The following RIF1 variants were observed in gnomAD, a reference collection of about 807,000 sequenced individuals.
The protein encoded by RIF1 is replication timing regulatory factor 1.
RIF1 carries 45 observed loss-of-function variants against 247.1 expected under a neutral mutation model. The ratio of observed to expected loss-of-function variants is 0.18; its 90% CI spans 0.14 to 0.23. The LOEUF (loss-of-function observed/expected upper bound fraction) is 0.23, where lower values mean the gene tolerates loss of function less well. Ranked by LOEUF, RIF1 falls within the 10% of genes least tolerant of loss-of-function variation. The pLI is 1.00. For missense variants in RIF1, 2,967 were observed against 2,862.5 expected (o/e 1.04, Z -0.83); for synonymous variants, 1,087 against 978.8 (o/e 1.11, Z -2.06).
downstream of RIF1, among the ~76,000 whole-genome samples, chr2:151,512,499 G>T (rs1380350595): frequency 6.6e-6 from 1 of 151,688 alleles, no homozygotes; most frequent in Non-Finnish European, 1.5e-5. Flanking sequence ...ATTTTTGTAG[G>T]GACAGGGTTT....
the RIF1 span, chr2:151,534,293 C>T: frequency 3.1e-6 from 5 of 1,613,602 alleles, no homozygotes; most frequent in South Asian, 1.1e-5. Context: ...TATCTTTCCG[C>T]TGCTCATAAT....
chr2:151,506,392 C>T (rs1314596980), intron 13 of RIF1: 3 of 666,322 alleles, frequency 4.5e-6, no homozygotes, highest in Admixed American at 2.6e-5. Context: ...GCCAGAGCAT[C>T]GCACCTGACA....
intron 10 of RIF1, chr2:151,496,420 G>C: frequency 1.3e-6 from 2 of 1,551,630 alleles, no homozygotes; most frequent in Non-Finnish European, 1.8e-6. Flanking sequence ...CATTTCATTT[G>C]TTGAGAGGTT....
intron 7 of RIF1, among the ~76,000 whole-genome samples, chr2:151,422,722 ACTC>A (rs1353553118): frequency 6.7e-6 from 1 of 150,242 alleles, no homozygotes; most frequent in Non-Finnish European, 1.5e-5. Flanking sequence ...CCAGTCTTGA[ACTC>A]CTGACTTCAA....
chr2:151,469,968 A>T, intron 34 of RIF1, 104 bp downstream of exon 34: 1 of 786,642 alleles, frequency 1.3e-6, no homozygotes. Context: ...AGGGAAATTG[A>T]TTCATTTATT....
At chr2:151,498,538 A>G (rs1265667080) in intron 10 of RIF1, among the ~76,000 whole-genome samples, 1 of 152,200 alleles carries the variant, frequency 6.6e-6, no homozygotes, top group Non-Finnish European at 1.5e-5. Context: ...GGAATGCAGG[A>G]AAGAGCAGCA....
intron 6 of RIF1, 69 bp downstream of exon 6, chr2:151,416,970 G>T (rs2152118007): frequency 8.0e-7 from 1 of 1,247,818 alleles, no homozygotes; most frequent in South Asian, 1.3e-5. Context: ...GAGGGTTTTT[G>T]GGATTTAAAT....
At chr2:151,506,265 A>G in exon 13 of RIF1, 1 of 1,599,796 alleles carries the variant, frequency 6.3e-7, no homozygotes, top group Non-Finnish European at 8.6e-7. Flanking sequence ...AAACCTGGGC[A>G]TTCAGAATCA....
intron 20 of RIF1, among the ~76,000 whole-genome samples, chr2:151,449,609 C>T (rs1693911663): frequency 6.6e-6 from 1 of 152,100 alleles, no homozygotes; most frequent in South Asian, 2.1e-4. Context: ...CCAAGCCCAC[C>T]AACCTTTTTG....
chr2:151,434,915 G>A (rs1446114128), intron 10 of RIF1, among the ~76,000 whole-genome samples: 1 of 151,960 alleles, frequency 6.6e-6, no homozygotes, highest in African/African-American at 2.4e-5. Context: ...TGGACAGGAG[G>A]ACTTATAAAT....
intron 10 of RIF1, chr2:151,498,116 G>A: frequency 6.6e-7 from 1 of 1,507,254 alleles, no homozygotes; most frequent in Non-Finnish European, 8.9e-7. Flanking sequence ...CTGTATTATA[G>A]AAATGGGAAA....
chr2:151,453,579 CAAAAAAAA>C lies in RIF1; in HGVS notation c.2345-1300_2345-1293del, dbSNP rs59661470. On this transcript the variant is annotated intron_variant, in intron 21 of 35. Transcript: ENST00000444746. Reference sequence around the variant, plus strand: ...TGGGCAACAGAGCTAGACTCTGTCTCAAAAAAAAAAAAAAAAAAAAAAAGGCAATTTTA... The same window carrying C: ...TGGGCAACAGAGCTAGACTCTGTCTCAAAAAAAAAAAAAAAGGCAATTTTA... Among the ~76,000 whole-genome samples the C allele has an allele frequency of 2.2e-3, 163 of 72,896 alleles. 1 individual carries two copies. Among genetic ancestry groups the C allele is most frequent in the African/African-American group, 8.6e-3 (155 of 17,930 alleles). The allele number at this position is 72,896 out of a possible 152,430, so 47.8% of individuals were successfully genotyped here. A position where few individuals can be genotyped will look rare whatever the true frequency, so the allele number is the denominator to read the frequency against.
chr2:151,504,808 C>G (rs1344357212), intron 12 of RIF1, among the ~76,000 whole-genome samples: 1 of 152,150 alleles, frequency 6.6e-6, no homozygotes, highest in African/African-American at 2.4e-5. Context: ...CCTGATATTT[C>G]AGGTGTGGGG....
chr2:151,410,393 C>G (rs765790597), intron 1 of RIF1, 21 bp from the exon 2 acceptor site: 3 of 1,596,112 alleles, frequency 1.9e-6, no homozygotes, highest in Non-Finnish European at 2.6e-6. Flanking sequence ...GGATTTTCTC[C>G]TCTTCCGGTT....
At chr2:151,451,739 G>A (rs1244553896) in intron 21 of RIF1, 34 bp downstream of exon 21, 1 of 1,130,400 alleles carries the variant, frequency 8.8e-7, no homozygotes. Flanking sequence ...TGTTTGTCCA[G>A]TATTTCATAA....
chr2:151,418,127 T>C (rs1342699875), intron 6 of RIF1, among the ~76,000 whole-genome samples: 1 of 152,226 alleles, frequency 6.6e-6, no homozygotes, highest in Non-Finnish European at 1.5e-5. Context: ...CTGTGCACTA[T>C]TGCAGATTTC....
chr2:151,527,060 A>G, the RIF1 span: 2 of 1,376,130 alleles, frequency 1.5e-6, no homozygotes, highest in African/African-American at 2.9e-5. Context: ...GGGAAGGGTG[A>G]CAGCACAGGA....
At chr2:151,483,853 G>C (rs548424673), downstream of RIF1, among the ~76,000 whole-genome samples, 2 of 152,186 alleles carry the variant, frequency 1.3e-5, no homozygotes, top group East Asian at 3.9e-4. Context: ...GAGGGATCTA[G>C]GTTTGTGCTC....
chr2:151,512,126 G>A (rs1046976463), downstream of RIF1, among the ~76,000 whole-genome samples: 9 of 148,412 alleles, frequency 6.1e-5, no homozygotes, highest in East Asian at 1.8e-3. Flanking sequence ...TGCCTCCCGG[G>A]TTCACGCCAT....
Sources: gnomAD v4.1 joint callset for allele counts (sites outside exome capture counted in the v4.1 genomes callset) on GRCh38, gnomAD v4.1.1 for gene constraint, MANE v1.5 for transcripts, NCBI Gene and HGNC (gene_info 2026-07-23, HGNC 2026-07-21) for gene names.